Variants in ZNF671 observed in about 807,000 individuals in gnomAD.
ZNF671 encodes the protein zinc finger protein 671.
In ZNF671, 19 loss-of-function variants were observed where a neutral mutation model predicts 16.6. That is an observed-to-expected ratio of 1.14 (90% CI 0.80 to 1.68). The LOEUF is 1.68. Among genes scored for constraint, ZNF671 ranks in the 40% most tolerant of loss-of-function variants. The pLI is 0.00. For missense variants in ZNF671, 637 were observed against 659.8 expected, an observed-to-expected ratio of 0.97 and a Z score of 0.38; for synonymous variants, 238 against 236.3, an observed-to-expected ratio of 1.01 and a Z score of -0.06.
In ZNF671 at chr19:57,727,547, A is replaced by G; in HGVS notation, c.-19T>C. ...ACAACATCTCCTCCGCGCTTTCCCAACACCTCCACCTGCGGCCCACACAAG... is the reference window on the plus strand; with the variant it reads ...ACAACATCTCCTCCGCGCTTTCCCAGCACCTCCACCTGCGGCCCACACAAG... On this transcript the variant is annotated 5_prime_UTR_variant, in exon 1 of 4. Coordinates refer to ENST00000317398, the MANE Select transcript of ZNF671 (RefSeq NM_024833.3). 3 of 1,587,548 alleles carry G rather than the reference A, an allele frequency of 1.9e-6. No homozygotes were observed. The highest frequency in any genetic ancestry group is 2.6e-6 in the Non-Finnish European group (3 of 1,160,352).
chr19:57,721,208 G>C lies in ZNF671; in HGVS notation c.878C>G (p.Ala293Gly). 6.2e-7 allele frequency: 1 copy of C among 1,608,876 alleles called. No homozygotes were observed. The highest frequency in any genetic ancestry group is 8.5e-7 in the Non-Finnish European group (1 of 1,176,588). The change falls in exon 4 of 4, where the codon GCC becomes GGC. Residue 293 changes from alanine to glycine, a missense_variant. Ala to Gly is a moderately conservative substitution (Grantham distance 60). Coordinates refer to ENST00000317398, the MANE Select transcript of ZNF671 (RefSeq NM_024833.3). ...AGCAAGTGTGTCTTTGCGGGTGAAG[G>C]CTTTCCCACATTCACCACACCTGTG... ...RYHRCGECGKAFTRKDTLARH... is the reference protein window; with the variant it reads ...RYHRCGECGKGFTRKDTLARH...
intron 3 of ZNF671, 176 bp from the exon 4 acceptor site, chr19:57,721,873 A>C: frequency 1.2e-6 from 1 of 854,462 alleles, no homozygotes; most frequent in South Asian, 1.8e-5. Context: ...TGGAGGTCAT[A>C]CCATGGGGGA....
Position 57,721,324 on chromosome 19 carries a change from A to G in ZNF671, c.762T>C (p.Ser254=), listed in dbSNP as rs759831714. 4 of 1,605,492 alleles carry G rather than the reference A, an allele frequency of 2.5e-6. No homozygotes were observed. Among genetic ancestry groups the G allele is most frequent in the Non-Finnish European group, 2.6e-6 (3 of 1,174,254 alleles). ...GAGAGGCCTGATGCTGAAGAAGGCCAGATGTGGCTGAAAAGTCTCTCCTAC... is the reference window on the plus strand; with the variant it reads ...GAGAGGCCTGATGCTGAAGAAGGCCGGATGTGGCTGAAAAGTCTCTCCTAC... The part of the protein sequence containing the change: ...GKGRRDFSAT[S]GLLQHQASLS... Residue 254 remains serine (S), a synonymous_variant, in exon 4 of 4, where the codon TCT becomes TCC. Coordinates refer to ENST00000317398, the MANE Select transcript of ZNF671 (RefSeq NM_024833.3).
Position 57,720,471 on chromosome 19 carries a change from T to G in ZNF671, c.*10A>C. The G allele has an allele frequency of 1.9e-6, 3 of 1,606,350 alleles. No individual in the cohort carries two copies. Among genetic ancestry groups the G allele is most frequent in the Non-Finnish European group, 2.6e-6 (3 of 1,174,044 alleles). On this transcript the variant is annotated 3_prime_UTR_variant, in exon 4 of 4. Transcript: ENST00000317398. ...TTGGCCTAAGACTTTCCCCCACATTTGCTACACTCTTAAAGCTTTTCTCCA... is the reference window on the plus strand; with the variant it reads ...TTGGCCTAAGACTTTCCCCCACATTGGCTACACTCTTAAAGCTTTTCTCCA...
rs1985783341 is a variant in ZNF671, at chr19:57,719,758, T to A, written c.*723A>T. 6.6e-6 allele frequency: 1 copy of A among 152,318 alleles called. No individual in the cohort carries two copies. Among genetic ancestry groups the A allele is most frequent in the Admixed American group, 6.5e-5 (1 of 15,294 alleles). 9.4% of individuals were successfully genotyped at this position (152,318 alleles called of 1,614,324 possible). ...CAGAACCCACAACATTAATGGTGGC[T>A]TAAAGAACAGGCCTTTATTATCATG... On this transcript the variant is annotated 3_prime_UTR_variant, in exon 4 of 4. Transcript: ENST00000317398.
chr19:57,725,179 C>T (rs1185255205), intron 1 of ZNF671, among the ~76,000 whole-genome samples: 43 of 150,466 alleles, frequency 2.9e-4, no homozygotes, highest in African/African-American at 4.9e-5. Flanking sequence ...GAAATGGGGT[C>T]TCAGCCAAGC....
Position 57,725,777 on chromosome 19 carries a change from T to C in ZNF671, c.138+1614A>G, listed in dbSNP as rs192822088. ...CATGGTGAAACTCTATCTAATAAAA[T>C]ACAAAAATTAGCTGGGCATGGTGAT... On this transcript the variant is annotated intron_variant, in intron 1 of 3. Coordinates refer to ENST00000317398, the MANE Select transcript of ZNF671 (RefSeq NM_024833.3). Among the ~76,000 whole-genome samples the C allele has an allele frequency of 3.0e-3, 446 of 150,914 alleles. 2 individuals carry two copies. The highest frequency in any genetic ancestry group is 0.01 in the African/African-American group (424 of 41,042).
chr19:57,720,715 A>G lies in ZNF671; in HGVS notation c.1371T>C (p.Gly457=). 7 of 1,614,168 alleles carry G rather than the reference A, an allele frequency of 4.3e-6. No individual in the cohort carries two copies. The highest frequency in any genetic ancestry group is 5.9e-6 in the Non-Finnish European group (7 of 1,180,034). The stretch of plus-strand genomic sequence containing the variant: ...GTTTGGAGATGCAGCTGAAAGCTTT[A>G]CCACATCTGCTACACTCATAATCAC... ...HSSDYECSRC[G]KAFSCISKLI... Residue 457 remains glycine, a synonymous_variant, in exon 4 of 4, where the codon GGT becomes GGC. Coordinates refer to ENST00000317398, the MANE Select transcript of ZNF671 (RefSeq NM_024833.3).
chr19:57,726,844 C>A (rs1247419458), intron 1 of ZNF671: 1 of 152,758 alleles, frequency 6.5e-6, no homozygotes, highest in African/African-American at 2.4e-5. Context: ...TATGATGGAG[C>A]AGAAAATCCT....
chr19:57,721,391 C>T lies in ZNF671; in HGVS notation c.695G>A (p.Cys232Tyr). 6.2e-7 allele frequency: 1 copy of T among 1,614,210 alleles called. No individual in the cohort carries two copies. The highest frequency in any genetic ancestry group is 8.5e-7 in the Non-Finnish European group (1 of 1,180,028). ...GGTCTTCTCTGGCACATGGACTCTG[C>T]AGCTTTTCACAGAGTCTCTGCCCTC... The part of the protein sequence containing the change: ...RKEGRDSVKS[C>Y]RVHVPEKTLT... Residue 232 changes from cysteine to tyrosine, a missense_variant, in exon 4 of 4, where the codon TGC (cysteine) becomes TAC (tyrosine). Transcript: ENST00000317398.
chr19:57,723,368 T>C (rs758517781), intron 1 of ZNF671, 28 bp from the exon 2 acceptor site: 1 of 1,581,144 alleles, frequency 6.3e-7, no homozygotes, highest in African/African-American at 1.4e-5. Flanking sequence ...GGAAGGACCA[T>C]AAAAAGTCTC....
chr19:57,727,039 G>C (rs1430738246), intron 1 of ZNF671: 1 of 204,890 alleles, frequency 4.9e-6, no homozygotes, highest in Non-Finnish European at 9.8e-6. Context: ...AGCAAATTTC[G>C]AGACACTTAA....
rs1264868142 is a variant in ZNF671 at position 57,727,504 on chromosome 19, C to A, written c.25G>T (p.Ala9Ser). The A allele has an allele frequency of 6.2e-7, 1 of 1,609,158 alleles. No homozygotes were observed. The highest frequency in any genetic ancestry group is 2.2e-5 in the East Asian group (1 of 44,678). The change falls in exon 1 of 4, where the codon GCG becomes TCG. Residue 9 changes from alanine (A) to serine (S), a missense_variant. Physicochemically the swap from Ala to Ser is moderately conservative, Grantham distance 99 (BLOSUM62 1). Coordinates refer to ENST00000317398, the MANE Select transcript of ZNF671 (RefSeq NM_024833.3). Reference protein sequence around the residue: MLSPVSRDASDALQGRKCL... With the variant: MLSPVSRDSSDALQGRKCL... ...TTCCGTCCCTGCAGAGCATCAGACG[C>A]GTCTCGGGACACTGGGGACAACATC...
intron 1 of ZNF671, among the ~76,000 whole-genome samples, chr19:57,726,115 C>T (rs1416160381): frequency 7.5e-6 from 1 of 132,884 alleles, no homozygotes; most frequent in African/African-American, 2.8e-5. Flanking sequence ...CTCCCACCTC[C>T]CCACCCCACC....
In ZNF671 at chr19:57,721,425, G is replaced by A; in HGVS notation, c.661C>T (p.Pro221Ser). The A allele has an allele frequency of 1.2e-6, 2 of 1,614,178 alleles. No individual in the cohort carries two copies. The highest frequency in any genetic ancestry group is 1.7e-6 in the Non-Finnish European group (2 of 1,180,028). The change falls in exon 4 of 4, where the codon CCA becomes TCA. Residue 221 changes from proline to serine, a missense_variant. By Grantham distance (74) the Pro-to-Ser change is moderately conservative. Transcript: ENST00000317398. Reference sequence around the variant, plus strand: ...ACAGAGTCTCTGCCCTCCTTCCTTGGGAAAAGTTTCCCTCCATTGGGCTGG... The same window carrying A: ...ACAGAGTCTCTGCCCTCCTTCCTTGAGAAAAGTTTCCCTCCATTGGGCTGG... ...QNQPNGGKLF[P>S]RKEGRDSVKS...
chr19:57,720,571 C>T lies in ZNF671; in HGVS notation c.1515G>A (p.Arg505=). The change falls in exon 4 of 4, where the codon AGG becomes AGA. Residue 505 remains arginine (R), a synonymous_variant. Transcript: ENST00000317398. ...IRHWKVHTGE[R]PYVCSECGRE... The stretch of plus-strand genomic sequence containing the variant: ...TCCCGCACTCACTACACACATAAGG[C>T]CTTTCCCCAGTGTGGACTTTCCAGT... 1 of 1,614,220 alleles carries T rather than the reference C, an allele frequency of 6.2e-7. No homozygotes were observed. Among genetic ancestry groups the T allele is most frequent in the Non-Finnish European group, 8.5e-7 (1 of 1,180,044 alleles).
At chr19:57,722,527 G>A (rs1411406930) in intron 2 of ZNF671, 89 bp from the exon 3 acceptor site, 1 of 1,567,852 alleles carries the variant, frequency 6.4e-7, no homozygotes, top group Non-Finnish European at 8.6e-7. Flanking sequence ...AATAACCTGG[G>A]AGGAGTTGTG....
At chr19:57,723,386 A>G (rs762314339) in intron 1 of ZNF671, 46 bp from the exon 2 acceptor site, 2 of 1,563,540 alleles carry the variant, frequency 1.3e-6, no homozygotes, top group South Asian at 1.2e-5. Flanking sequence ...CTCTTGACCA[A>G]TGATCCCCAG....
intron 1 of ZNF671, among the ~76,000 whole-genome samples, chr19:57,726,578 TGAAA>T (rs1424241810): frequency 1.3e-5 from 2 of 151,980 alleles, no homozygotes; most frequent in Admixed American, 1.3e-4. Flanking sequence ...CCCAGAGATA[TGAAA>T]TAACATACTT....
Sources: gnomAD v4.1 joint callset for allele counts (sites outside exome capture counted in the v4.1 genomes callset) on GRCh38, gnomAD v4.1.1 for gene constraint, MANE v1.5 for transcripts, NCBI Gene and HGNC (gene_info 2026-07-23, HGNC 2026-07-21) for gene names.